FBXL17: variants seen among roughly 807,000 people sequenced by gnomAD.
FBXL17 encodes F-box and leucine rich repeat protein 17.
FBXL17 carries 22 observed loss-of-function variants against 66.2 expected under a neutral mutation model. That is an observed-to-expected ratio of 0.33 (90% CI 0.24 to 0.47). The LOEUF (loss-of-function observed/expected upper bound fraction) is 0.47, where lower values mean the gene tolerates loss of function less well. Among genes scored for constraint, FBXL17 ranks in the 20% least tolerant of loss-of-function variants. The pLI is 1.00. For missense variants in FBXL17, 878 were observed against 948.2 expected, an observed-to-expected ratio of 0.93 and a Z score of 0.97; for synonymous variants, 474 against 400.5, an observed-to-expected ratio of 1.18 and a Z score of -2.19.
intron 7 of FBXL17, among the ~76,000 whole-genome samples, chr5:107,986,087 T>C (rs1189857127): frequency 6.6e-6 from 1 of 152,144 alleles, no homozygotes; most frequent in Non-Finnish European, 1.5e-5. Context: ...ACTAGAGATA[T>C]AATCTATTAG....
intron 1 of FBXL17, among the ~76,000 whole-genome samples, chr5:108,377,657 A>G (rs1257890999): frequency 3.3e-5 from 5 of 152,246 alleles, no homozygotes; most frequent in Non-Finnish European, 7.3e-5. Context: ...GAGTTCAAAT[A>G]GTTTTGGGCA....
At chr5:107,869,369 C>T (rs569829330) in intron 8 of FBXL17, among the ~76,000 whole-genome samples, 1 of 152,214 alleles carries the variant, frequency 6.6e-6, no homozygotes, top group African/African-American at 2.4e-5. Flanking sequence ...TCAAACGGAC[C>T]TTAATGTGCT....
At chr5:108,301,421 A>G (rs1041051934) in intron 4 of FBXL17, among the ~76,000 whole-genome samples, 4 of 150,486 alleles carry the variant, frequency 2.7e-5, no homozygotes, top group African/African-American at 1.0e-4. Context: ...ATTTTTACAT[A>G]TATTTACAAC....
chr5:108,120,491 G>A (rs1750443765), intron 6 of FBXL17, among the ~76,000 whole-genome samples: 1 of 152,160 alleles, frequency 6.6e-6, no homozygotes, highest in South Asian at 2.1e-4. Flanking sequence ...CTATATCATT[G>A]AGAAAAATTT....
At chr5:108,030,615 A>C (rs1431896871) in intron 6 of FBXL17, among the ~76,000 whole-genome samples, 16 of 152,156 alleles carry the variant, frequency 1.1e-4, no homozygotes, top group Admixed American at 1.0e-3. Context: ...ATAATCAACA[A>C]ACCATTTAGC....
intron 6 of FBXL17, among the ~76,000 whole-genome samples, chr5:108,129,500 C>G (rs1169781898): frequency 1.3e-5 from 2 of 152,058 alleles, no homozygotes; most frequent in African/African-American, 4.8e-5. Context: ...CCTTTAGAAT[C>G]AAATAGGCTC....
intron 6 of FBXL17, among the ~76,000 whole-genome samples, chr5:108,062,315 T>C (rs2112846524): frequency 6.6e-6 from 1 of 152,268 alleles, no homozygotes; most frequent in South Asian, 2.1e-4. Context: ...AAAGATTAAG[T>C]AAGCATATTA....
At chr5:108,073,863 C>T (rs942735351) in intron 6 of FBXL17, among the ~76,000 whole-genome samples, 5 of 152,084 alleles carry the variant, frequency 3.3e-5, no homozygotes, top group Non-Finnish European at 5.9e-5. Context: ...GTGGCCTCAC[C>T]GGAAGCCAAG....
chr5:107,864,668 C>T (rs1748223811), intron 8 of FBXL17, among the ~76,000 whole-genome samples: 1 of 152,100 alleles, frequency 6.6e-6, no homozygotes, highest in South Asian at 2.1e-4. Context: ...GGCACCTCCC[C>T]CAACTCTCTC....
intron 6 of FBXL17, among the ~76,000 whole-genome samples, chr5:108,120,717 T>C (rs1386617032): frequency 6.6e-6 from 1 of 151,966 alleles, no homozygotes; most frequent in Non-Finnish European, 1.5e-5. Context: ...CCTGTAGTCG[T>C]AGCTACTCAG....
chr5:107,915,223 C>A (rs910774990), intron 7 of FBXL17, among the ~76,000 whole-genome samples: 2 of 152,088 alleles, frequency 1.3e-5, no homozygotes, highest in Non-Finnish European at 2.9e-5. Flanking sequence ...AGAGTCTCAA[C>A]CATTACAAGC....
chr5:107,914,465 C>T (rs1239678916), intron 7 of FBXL17, among the ~76,000 whole-genome samples: 2 of 152,068 alleles, frequency 1.3e-5, no homozygotes, highest in Non-Finnish European at 2.9e-5. Flanking sequence ...TTGCTGCTGC[C>T]CACCAAATTA....
At chr5:108,363,588 C>A (rs1401900542) in intron 3 of FBXL17, among the ~76,000 whole-genome samples, 1 of 151,944 alleles carries the variant, frequency 6.6e-6, no homozygotes, top group East Asian at 1.9e-4. Context: ...TAATTACTCT[C>A]AAAGTTGTAA....
At chr5:108,023,660 T>G (rs1361156979) in intron 6 of FBXL17, among the ~76,000 whole-genome samples, 1 of 152,306 alleles carries the variant, frequency 6.6e-6, no homozygotes, top group African/African-American at 2.4e-5. Flanking sequence ...TCTGTGAACA[T>G]ACTTACTTTA....
chr5:108,188,514 G>A (rs550038940), intron 5 of FBXL17, among the ~76,000 whole-genome samples: 33 of 152,304 alleles, frequency 2.2e-4, no homozygotes, highest in African/African-American at 7.7e-4. Flanking sequence ...GTCAAGCAAA[G>A]AAATGGGTTC....
At chr5:108,176,198 C>T (rs900197995) in intron 6 of FBXL17, among the ~76,000 whole-genome samples, 18 of 152,074 alleles carry the variant, frequency 1.2e-4, no homozygotes, top group African/African-American at 1.7e-4. Flanking sequence ...GGGCTTATAA[C>T]GCCATATTCA....
chr5:107,997,009 T>A (rs1244160630), intron 7 of FBXL17, among the ~76,000 whole-genome samples: 1 of 152,232 alleles, frequency 6.6e-6, no homozygotes, highest in Non-Finnish European at 1.5e-5. Flanking sequence ...CATGTTCTTA[T>A]AACCAGTTAA....
chr5:108,070,117 T>A lies in FBXL17; in HGVS notation c.1746-49116A>T, dbSNP rs74550599. Among the ~76,000 whole-genome samples the A allele has an allele frequency of 3.0e-3, 450 of 152,336 alleles. 1 individual carries two copies. The highest frequency in any genetic ancestry group is 0.01 in the African/African-American group (436 of 41,582). On this transcript the variant is annotated intron_variant, in intron 6 of 8. Transcript: ENST00000542267. ...CATGTAGCAGATTTGTAAATGAGCC[T>A]GTGAATGTTAGAAAACTCATCAAAA... is the stretch of plus-strand genomic sequence containing the variant.
chr5:107,999,811 T>G (rs554329982), intron 7 of FBXL17, among the ~76,000 whole-genome samples: 1 of 152,302 alleles, frequency 6.6e-6, no homozygotes, highest in South Asian at 2.1e-4. Context: ...AATGGATAAG[T>G]GAATACACAT....
Sources: allele counts gnomAD v4.1 joint callset (sites outside exome capture counted in the v4.1 genomes callset), GRCh38; gene constraint gnomAD v4.1.1; transcripts MANE v1.5; gene names NCBI Gene and HGNC (gene_info 2026-07-23, HGNC 2026-07-21).